The following SYNPO2 variants were observed in gnomAD, a reference collection of about 807,000 sequenced individuals.
SYNPO2 encodes synaptopodin-2.
SYNPO2 carries 56 observed loss-of-function variants against 85.0 expected under a neutral mutation model. The ratio of observed to expected loss-of-function variants is 0.66; its 90% CI spans 0.53 to 0.82. The LOEUF (loss-of-function observed/expected upper bound fraction) is 0.82. Among genes scored for constraint, SYNPO2 ranks in the 40% least tolerant of loss-of-function variants. The pLI is 0.00. For synonymous variants in SYNPO2, 602 were observed against 591.1 expected, an observed-to-expected ratio of 1.02 and a Z score of -0.27; for missense variants, 1,575 against 1,534.2, an observed-to-expected ratio of 1.03 and a Z score of -0.44.
At chr4:118,920,841 G>C (rs1489282711) in intron 1 of SYNPO2, among the ~76,000 whole-genome samples, 1 of 151,764 alleles carries the variant, frequency 6.6e-6, no homozygotes, top group Non-Finnish European at 1.5e-5. Flanking sequence ...AATCAAGAAT[G>C]ATGTCTGGCT....
intron 3 of SYNPO2, 26 bp from the exon 4 acceptor site, chr4:119,029,819 A>ATT (rs1210416215): frequency 5.3e-6 from 7 of 1,324,726 alleles, no homozygotes; most frequent in East Asian, 5.1e-5. Flanking sequence ...AGCTCAATAT[A>ATT]ATTTTTTTTT....
At chr4:119,047,562 T>G (rs993771675) in intron 4 of SYNPO2, among the ~76,000 whole-genome samples, 1 of 152,152 alleles carries the variant, frequency 6.6e-6, no homozygotes, top group Non-Finnish European at 1.5e-5. Flanking sequence ...GGAGGTAAAC[T>G]TAAAATCCTC....
chr4:118,856,908 CT>C (rs1731517369), intron 1 of SYNPO2, among the ~76,000 whole-genome samples: 1 of 152,124 alleles, frequency 6.6e-6, no homozygotes, highest in Non-Finnish European at 1.5e-5. Context: ...TTCTCTCTTT[CT>C]TTTCATTCTG....
chr4:118,901,472 A>G (rs377408869), intron 1 of SYNPO2, among the ~76,000 whole-genome samples: 10 of 152,232 alleles, frequency 6.6e-5, no homozygotes, highest in Admixed American at 2.6e-4. Context: ...AGGATTAAGC[A>G]GTAATGGTAT....
chr4:118,894,649 T>G (rs1056810015), intron 1 of SYNPO2, among the ~76,000 whole-genome samples: 5 of 151,808 alleles, frequency 3.3e-5, no homozygotes, highest in African/African-American at 1.2e-4. Context: ...GAGAGAGAGA[T>G]AATATGATTT....
chr4:118,925,429 C>A (rs1733679311), intron 1 of SYNPO2, among the ~76,000 whole-genome samples: 1 of 152,044 alleles, frequency 6.6e-6, no homozygotes, highest in African/African-American at 2.4e-5. Flanking sequence ...AAATCCCACT[C>A]CAGTGGCATG....
chr4:119,009,656 A>C (rs760068753), intron 1 of SYNPO2, among the ~76,000 whole-genome samples: 6 of 152,212 alleles, frequency 3.9e-5, no homozygotes, highest in Non-Finnish European at 7.3e-5. Flanking sequence ...TTAAAAGTGC[A>C]GATACCCAGG....
At chr4:119,004,912 C>T (rs1212460641) in intron 1 of SYNPO2, among the ~76,000 whole-genome samples, 3 of 151,918 alleles carry the variant, frequency 2.0e-5, no homozygotes, top group Non-Finnish European at 2.9e-5. Flanking sequence ...TTTTAATGAT[C>T]ACCATTCTAA....
chr4:118,921,779 GCACA>G (rs149219584), intron 1 of SYNPO2, among the ~76,000 whole-genome samples: 16 of 148,502 alleles, frequency 1.1e-4, no homozygotes, highest in African/African-American at 3.0e-4. Flanking sequence ...CTTTTCATAT[GCACA>G]CACACACACA....
At chr4:118,993,867 G>A (rs1736492467) in intron 1 of SYNPO2, among the ~76,000 whole-genome samples, 1 of 152,108 alleles carries the variant, frequency 6.6e-6, no homozygotes, top group African/African-American at 2.4e-5. Context: ...CCATTATCAT[G>A]TTTAATCCCA....
intron 1 of SYNPO2, among the ~76,000 whole-genome samples, chr4:118,878,985 G>A (rs1731996174): frequency 6.6e-6 from 1 of 152,128 alleles, no homozygotes; most frequent in South Asian, 2.1e-4. Context: ...AAGGTCTGTG[G>A]CTTCACTCCT....
chr4:119,057,821 G>T lies in SYNPO2; in HGVS notation c.3673G>T (p.Ala1225Ser), dbSNP rs1375032831. The change falls in exon 5 of 5, where the codon GCT becomes TCT. Residue 1225 changes from alanine to serine, a missense_variant. This residue lies in a region of SYNPO2 where 1,508 missense variants were observed against 1,446.8 expected (regional missense o/e 1.04). Coordinates refer to ENST00000307142, the MANE Select transcript of SYNPO2 (RefSeq NM_133477.3). ...SQLPYAYYRQASRNDSAIMSM... is the reference protein window; with the variant it reads ...SQLPYAYYRQSSRNDSAIMSM... ...GTTGCCATATGCATATTATAGGCAGGCTTCAAGAAATGATTCTGCAATCAT... is the reference window on the plus strand; with the variant it reads ...GTTGCCATATGCATATTATAGGCAGTCTTCAAGAAATGATTCTGCAATCAT... 5.0e-6 allele frequency: 8 copies of T among 1,614,028 alleles called. No individual in the cohort carries two copies.
chr4:119,032,296 T>A (rs1041968793), intron 4 of SYNPO2: 1 of 1,365,874 alleles, frequency 7.3e-7, no homozygotes, highest in Non-Finnish European at 9.4e-7. Flanking sequence ...AAAATAGACA[T>A]GTACCGTTAT....
In SYNPO2 at chr4:118,977,738, G is replaced by GC. The variant is rs1287563458; in HGVS notation, c.106-45689dup. 3.3e-5 allele frequency among the ~76,000 whole-genome samples: 5 copies of GC among 152,206 alleles called. No individual in the cohort carries two copies. In the East Asian group the frequency reaches 9.6e-4, roughly 29 times the overall value. On this transcript the variant is annotated intron_variant, in intron 1 of 4. Transcript: ENST00000307142. Reference sequence around the variant, plus strand: ...ACCTTGTCTGTGGAGCATCAACTCTGCCCTATAGAAATTTCTGCATTATGT... The same window carrying GC: ...ACCTTGTCTGTGGAGCATCAACTCTGCCCCTATAGAAATTTCTGCATTATGT...
At chr4:119,022,680 TA>T (rs1184496828) in intron 1 of SYNPO2, among the ~76,000 whole-genome samples, 48 of 147,706 alleles carry the variant, frequency 3.2e-4, no homozygotes, top group Admixed American at 7.4e-4. Flanking sequence ...TATTTTATTT[TA>T]TTTTAATTGT....
chr4:118,879,183 C>T (rs541443496), intron 1 of SYNPO2, among the ~76,000 whole-genome samples: 3 of 152,292 alleles, frequency 2.0e-5, no homozygotes, highest in Admixed American at 1.3e-4. Context: ...CTGCACACAC[C>T]ATCTTTAAGA....
At chr4:119,013,486 T>A (rs954064334) in intron 1 of SYNPO2, among the ~76,000 whole-genome samples, 1 of 152,218 alleles carries the variant, frequency 6.6e-6, no homozygotes. Flanking sequence ...ATTTTTATTT[T>A]AAGGAATGAC....
intron 2 of SYNPO2, among the ~76,000 whole-genome samples, chr4:119,024,742 T>G (rs1045172375): frequency 2.0e-5 from 3 of 152,118 alleles, no homozygotes; most frequent in Middle Eastern, 3.2e-3. Context: ...GAATCTCAAT[T>G]GAAAATCAAG....
intron 1 of SYNPO2, among the ~76,000 whole-genome samples, chr4:118,975,482 G>C (rs1735688628): frequency 6.6e-6 from 1 of 152,202 alleles, no homozygotes; most frequent in Non-Finnish European, 1.5e-5. Flanking sequence ...GATACACACA[G>C]ACAGGACTTG....
Sources: allele counts gnomAD v4.1 joint callset (sites outside exome capture counted in the v4.1 genomes callset), GRCh38; gene constraint gnomAD v4.1.1; regional missense constraint gnomAD v4.1.1; transcripts MANE v1.5; gene names NCBI Gene and HGNC (gene_info 2026-07-23, HGNC 2026-07-21).